Variants in ANKDD1A observed in about 807,000 individuals in gnomAD.
ANKDD1A encodes ankyrin repeat and death domain containing 1A, also known as ankyrin repeat and death domain-containing protein 1A.
ANKDD1A carries 59 observed loss-of-function variants against 63.5 expected under a neutral mutation model. The observed-to-expected ratio is 0.93, with a 90% confidence interval of 0.75 to 1.15. The LOEUF is 1.15. Ranked by LOEUF, ANKDD1A falls within the 50% of genes most tolerant of loss-of-function variation. ANKDD1A has a pLI of 0.00. For missense variants in ANKDD1A, 632 were observed against 656.4 expected (o/e 0.96, Z 0.41); for synonymous variants, 266 against 263.9 (o/e 1.01, Z -0.08).
intron 11 of ANKDD1A, 76 bp downstream of exon 11, chr15:64,943,658 C>A (rs1354569067): frequency 8.0e-7 from 1 of 1,253,726 alleles, no homozygotes; most frequent in Non-Finnish European, 1.1e-6. Flanking sequence ...TACGAATGCC[C>A]CCTCCCTCCT....
At chr15:64,952,313 TTTTC>T (rs767695823) in intron 14 of ANKDD1A, among the ~76,000 whole-genome samples, 27 of 145,840 alleles carry the variant, frequency 1.9e-4, no homozygotes, top group African/African-American at 4.1e-4. Context: ...CCTTCGTTCT[TTTTC>T]TTTCTTCCTT....
At chr15:64,952,256 TCTTC>T (rs1197426315) in intron 14 of ANKDD1A, among the ~76,000 whole-genome samples, 1 of 150,748 alleles carries the variant, frequency 6.6e-6, no homozygotes, top group African/African-American at 2.4e-5. Context: ...TTCTTCTCCT[TCTTC>T]CTTCTCCTTC....
rs749073011 is a variant in ANKDD1A at position 64,952,360 on chromosome 15, T to C, written c.1483+2388T>C. Among the ~76,000 whole-genome samples the C allele has an allele frequency of 1.2e-4, 15 of 124,648 alleles. 1 individual carries two copies. Among genetic ancestry groups the C allele is most frequent in the Non-Finnish European group, 2.4e-4 (15 of 61,270 alleles). 81.8% of individuals were successfully genotyped at this position (124,648 alleles called of 152,430 possible). On this transcript the variant is annotated intron_variant, in intron 14 of 14. Transcript: ENST00000319580. ...CTCCTTCTTCTTAGTTCTTCCTCCT[T>C]CTTCTTTCTTCTTCCTCTTTCCTTC...
chr15:64,922,077 G>C lies in ANKDD1A; in HGVS notation c.366+58G>C, dbSNP rs1041169151. The C allele has an allele frequency of 1.3e-5, 20 of 1,527,240 alleles. No homozygotes were observed. The African/African-American group carries it at 2.7e-4, about 21-fold the overall frequency. The allele number at this position is 1,527,240 out of a possible 1,614,324, so 94.6% of individuals were successfully genotyped here. A position where few individuals can be genotyped will look rare whatever the true frequency, so the allele number is the denominator to read the frequency against. On this transcript the variant is annotated intron_variant, in intron 4 of 14. Transcript: ENST00000319580. ...CGGCTCCCCTGGCCTGGATGCACAG[G>C]TCTCCCCCGACCTCTGTCCCCCACC...
At chr15:64,920,411 G>A (rs748052454) in intron 3 of ANKDD1A, among the ~76,000 whole-genome samples, 2 of 152,150 alleles carry the variant, frequency 1.3e-5, no homozygotes, top group African/African-American at 2.4e-5. Context: ...TGGTGGGATG[G>A]AAATTGCAGG....
At chr15:64,940,752 T>A (rs568910298) in intron 9 of ANKDD1A, among the ~76,000 whole-genome samples, 2,248 of 151,872 alleles carry the variant, frequency 0.015, 27 homozygotes, top group Non-Finnish European at 0.024. Flanking sequence ...CAGACAGATT[T>A]TTTAGAGACA....
chr15:64,942,662 T>A, intron 10 of ANKDD1A, 97 bp downstream of exon 10: 1 of 807,552 alleles, frequency 1.2e-6, no homozygotes, highest in Non-Finnish European at 1.8e-6. Context: ...GGCCCAGAGT[T>A]GAGGAATCAC....
chr15:64,938,278 TA>T (rs2085151610), intron 9 of ANKDD1A, among the ~76,000 whole-genome samples: 1 of 152,094 alleles, frequency 6.6e-6, no homozygotes, highest in Non-Finnish European at 1.5e-5. Flanking sequence ...GAAAGTGCAG[TA>T]CGGGAAGAGG....
intron 14 of ANKDD1A, among the ~76,000 whole-genome samples, chr15:64,952,854 C>T: frequency 5.3e-5 from 1 of 18,950 alleles, no homozygotes; most frequent in East Asian, 5.0e-3. Context: ...CTTGTCTCTT[C>T]TCCTTCTTCT....
chr15:64,930,015 G>A (rs1012444021), intron 6 of ANKDD1A, among the ~76,000 whole-genome samples: 1 of 152,068 alleles, frequency 6.6e-6, no homozygotes, highest in African/African-American at 2.4e-5. Flanking sequence ...AACACTGCAT[G>A]GTCTCCCTCA....
intron 14 of ANKDD1A, among the ~76,000 whole-genome samples, chr15:64,956,385 T>TAA (rs1270669472): frequency 2.0e-5 from 3 of 151,996 alleles, no homozygotes; most frequent in African/African-American, 7.2e-5. Context: ...CTGTCTCTAC[T>TAA]AAAAATACAA....
chr15:64,954,424 CCTT>C (rs1221218086), intron 14 of ANKDD1A, among the ~76,000 whole-genome samples: 2 of 147,310 alleles, frequency 1.4e-5, no homozygotes, highest in Non-Finnish European at 3.0e-5. Flanking sequence ...CTCCTCTCCT[CCTT>C]CGTTCGTCGT....
chr15:64,951,978 CTTCTTA>C (rs2085293818), intron 14 of ANKDD1A, among the ~76,000 whole-genome samples: 1 of 142,336 alleles, frequency 7.0e-6, no homozygotes, highest in Non-Finnish European at 1.5e-5. Context: ...TTTCTTCTTC[CTTCTTA>C]TTCTTCTTTC....
intron 8 of ANKDD1A, 131 bp from the exon 9 acceptor site, chr15:64,934,005 C>A: frequency 3.1e-6 from 2 of 644,296 alleles, no homozygotes; most frequent in Non-Finnish European, 5.1e-6. Flanking sequence ...ATTTTTCCAG[C>A]CTCAGTTAAA....
At chr15:64,954,848 T>C (rs1473062101) in intron 14 of ANKDD1A, among the ~76,000 whole-genome samples, 1,141 of 22,902 alleles carry the variant, frequency 0.05, 53 homozygotes, top group South Asian at 0.41. Context: ...TTCTTCTTCC[T>C]TCTTCTTCTT....
chr15:64,930,961 C>T (rs763369119), intron 7 of ANKDD1A, 41 bp downstream of exon 7: 1 of 1,588,830 alleles, frequency 6.3e-7, no homozygotes. Context: ...ATGACCCTTG[C>T]TTGCTCTCTG....
chr15:64,947,477 G>A lies in ANKDD1A; in HGVS notation c.1235G>A (p.Arg412His), dbSNP rs373227677. 48 of 1,614,012 alleles carry A rather than the reference G, an allele frequency of 3.0e-5. No individual in the cohort carries two copies. Among genetic ancestry groups the A allele is most frequent in the African/African-American group, 5.3e-5 (4 of 74,926 alleles). Residue 412 changes from arginine to histidine, a missense_variant, in exon 13 of 15, where the codon CGT becomes CAT. Physicochemically the swap from Arg to His is conservative, Grantham distance 29. Transcript: ENST00000319580. ...CATCGGCAGGAAACACAGCAGCTCC[G>A]TTCTGTGCTGTGGCGGCTGGCCTCC... ...QDHRQETQQL[R>H]SVLWRLASRY...
intron 4 of ANKDD1A, among the ~76,000 whole-genome samples, chr15:64,924,277 A>G (rs1195983494): frequency 1.3e-5 from 2 of 152,240 alleles, no homozygotes; most frequent in Non-Finnish European, 2.9e-5. Context: ...CAGGACAGCA[A>G]AAGAGCCAGA....
intron 3 of ANKDD1A, among the ~76,000 whole-genome samples, chr15:64,921,436 A>G (rs1002848054): frequency 1.3e-5 from 2 of 152,186 alleles, no homozygotes; most frequent in African/African-American, 2.4e-5. Flanking sequence ...GTGCAGTGGC[A>G]TGATTTCACC....
Sources: gnomAD v4.1 joint callset for allele counts (sites outside exome capture counted in the v4.1 genomes callset) on GRCh38, gnomAD v4.1.1 for gene constraint, MANE v1.5 for transcripts, NCBI Gene and HGNC (gene_info 2026-07-23, HGNC 2026-07-21) for gene names.